The following UHRF2 variants were observed in gnomAD, a reference collection of about 807,000 sequenced individuals.
The protein encoded by UHRF2 is E3 ubiquitin-protein ligase UHRF2.
A neutral mutation model predicts 96.8 loss-of-function variants in UHRF2; 23 were observed. That is an observed-to-expected ratio of 0.24 (90% confidence interval 0.17 to 0.34). UHRF2 has a LOEUF of 0.34. UHRF2 is among the 10% of genes least tolerant of loss of function. The probability of loss-of-function intolerance (pLI) is 1.00; values close to 1 mark genes in which losing one functional copy is unlikely to be tolerated. For missense variants in UHRF2, 685 were observed against 981.5 expected (o/e 0.70, Z 4.04); for synonymous variants, 385 against 332.6 (o/e 1.16, Z -1.72).
At chr9:6,485,955 T>C (rs1824267320) in intron 8 of UHRF2, among the ~76,000 whole-genome samples, 1 of 152,108 alleles carries the variant, frequency 6.6e-6, no homozygotes, top group South Asian at 2.1e-4. Flanking sequence ...GGAAAAGCCG[T>C]CATCCATTGA....
intron 9 of UHRF2, among the ~76,000 whole-genome samples, chr9:6,493,031 G>A (rs1474811102): frequency 6.6e-6 from 1 of 151,976 alleles, no homozygotes; most frequent in African/African-American, 2.4e-5. Context: ...GGCGCAGTGG[G>A]TCATGCCTGT....
chr9:6,446,177 A>C (rs1416409373), intron 3 of UHRF2, among the ~76,000 whole-genome samples: 1 of 149,492 alleles, frequency 6.7e-6, no homozygotes, highest in East Asian at 2.0e-4. Flanking sequence ...TTTTTTATAC[A>C]GTCTTGCTCT....
At position 6,427,188 on chromosome 9, in the gene UHRF2, T is replaced by C. The variant is rs377408902; in HGVS notation, c.384+6046T>C. On this transcript the variant is annotated intron_variant, in intron 2 of 15. Transcript: ENST00000276893. ...TTGTATTGCTTTTGTCTTGAATTCT[T>C]GGTTATGCCACTTGGTAAATATTTT... Among the ~76,000 whole-genome samples, 31 of 152,344 alleles carry C rather than the reference T, an allele frequency of 2.0e-4. 1 individual carries two copies. The East Asian group carries it at 3.1e-3, about 15-fold the overall frequency.
chr9:6,503,623 A>G (rs897729263), intron 14 of UHRF2, among the ~76,000 whole-genome samples: 2 of 152,156 alleles, frequency 1.3e-5, no homozygotes, highest in Non-Finnish European at 2.9e-5. Flanking sequence ...TTATGGTATT[A>G]GATACTACAG....
chr9:6,442,295 G>A (rs1821214716), intron 3 of UHRF2, among the ~76,000 whole-genome samples: 2 of 152,162 alleles, frequency 1.3e-5, no homozygotes, highest in South Asian at 4.1e-4. Context: ...CTGAACGGGA[G>A]ATGGGATTGA....
intron 9 of UHRF2, among the ~76,000 whole-genome samples, chr9:6,490,654 A>C (rs1366715277): frequency 6.6e-6 from 1 of 152,228 alleles, no homozygotes; most frequent in Non-Finnish European, 1.5e-5. Context: ...ATATTATCTT[A>C]AATATATGAA....
At chr9:6,416,843 C>T (rs2130706447) in intron 1 of UHRF2, among the ~76,000 whole-genome samples, 1 of 152,222 alleles carries the variant, frequency 6.6e-6, no homozygotes, top group South Asian at 2.1e-4. Context: ...TTTTGAGAAT[C>T]CAGAGCTTTT....
chr9:6,482,178 A>G (rs1295731730), intron 8 of UHRF2, 79 bp downstream of exon 8: 1 of 1,156,440 alleles, frequency 8.6e-7, no homozygotes, highest in Non-Finnish European at 1.3e-6. Context: ...GTTGATTGTA[A>G]GTGAACCTAA....
intron 4 of UHRF2, among the ~76,000 whole-genome samples, chr9:6,461,074 T>G (rs944090042): frequency 6.6e-6 from 1 of 152,222 alleles, no homozygotes; most frequent in Non-Finnish European, 1.5e-5. Flanking sequence ...TCTTATAGAT[T>G]GAACAAAACA....
At chr9:6,419,596 T>A (rs193076058) in intron 1 of UHRF2, among the ~76,000 whole-genome samples, 2 of 152,252 alleles carry the variant, frequency 1.3e-5, no homozygotes, top group Admixed American at 1.3e-4. Flanking sequence ...AAAAATAAGG[T>A]CATAAAACAA....
rs1016363584 is a variant in UHRF2 at position 6,481,585 on chromosome 9, G to A, written c.1161-58G>A. 3 of 1,577,794 alleles carry A rather than the reference G, an allele frequency of 1.9e-6. No individual in the cohort carries two copies. The African/African-American group carries it at 4.1e-5, about 22-fold the overall frequency. ...TCTTACCTAGGAAGGCTAATATTCTGTTACTAGCTTTAATATGGTATTGTG... is the reference window on the plus strand; with the variant it reads ...TCTTACCTAGGAAGGCTAATATTCTATTACTAGCTTTAATATGGTATTGTG... On this transcript the variant is annotated intron_variant, in intron 6 of 15. Transcript: ENST00000276893.
At chr9:6,481,818 G>A in intron 7 of UHRF2, 52 bp downstream of exon 7, 1 of 1,582,586 alleles carries the variant, frequency 6.3e-7, no homozygotes. Flanking sequence ...AATATATAAT[G>A]TTTTAATACC....
intron 4 of UHRF2, among the ~76,000 whole-genome samples, chr9:6,474,838 C>T (rs1823468080): frequency 6.6e-6 from 1 of 152,056 alleles, no homozygotes; most frequent in East Asian, 1.9e-4. Flanking sequence ...ATTTGAAAGA[C>T]TTTATGAAAA....
intron 6 of UHRF2, 64 bp downstream of exon 6, chr9:6,477,872 C>T (rs1054421645): frequency 7.2e-7 from 1 of 1,382,172 alleles, no homozygotes; most frequent in South Asian, 1.4e-5. Flanking sequence ...TGTATTTGAA[C>T]CACCAAAAGT....
intron 15 of UHRF2, among the ~76,000 whole-genome samples, chr9:6,505,443 G>A (rs1384903754): frequency 6.6e-6 from 1 of 152,032 alleles, no homozygotes; most frequent in African/African-American, 2.4e-5. Flanking sequence ...GTACAAGCAT[G>A]CACCACCCTG....
chr9:6,466,419 A>G (rs1399367646), intron 4 of UHRF2, among the ~76,000 whole-genome samples: 2 of 152,092 alleles, frequency 1.3e-5, no homozygotes, highest in African/African-American at 4.8e-5. Flanking sequence ...GCACGCCTGT[A>G]ATTCCAAGTC....
intron 4 of UHRF2, chr9:6,468,358 G>A (rs1316858980): frequency 2.9e-5 from 13 of 441,618 alleles, no homozygotes; most frequent in Admixed American, 2.9e-4. Context: ...CAGGTAGGGT[G>A]GGACAGCTGG....
At chr9:6,434,336 C>T in intron 3 of UHRF2, 163 bp downstream of exon 3, 1 of 740,486 alleles carries the variant, frequency 1.4e-6, no homozygotes, top group Admixed American at 3.3e-5. Context: ...ATTTAAAGGT[C>T]CTTTTAGCTC....
intron 14 of UHRF2, 105 bp downstream of exon 14, chr9:6,500,814 T>C: frequency 1.8e-6 from 2 of 1,120,230 alleles, no homozygotes; most frequent in Non-Finnish European, 2.5e-6. Flanking sequence ...TTCATCCTTC[T>C]ACCCGGTTTT....
Sources: gnomAD v4.1 joint callset for allele counts (sites outside exome capture counted in the v4.1 genomes callset) on GRCh38, gnomAD v4.1.1 for gene constraint, MANE v1.5 for transcripts, NCBI Gene and HGNC (gene_info 2026-07-23, HGNC 2026-07-21) for gene names.